GALNT13: variants seen among roughly 807,000 people sequenced by gnomAD.
GALNT13 encodes the protein UDP-GalNAc:polypeptide N-acetylgalactosaminyltransferase 13.
In GALNT13, 28 loss-of-function variants were observed where a neutral mutation model predicts 64.2. The ratio of observed to expected loss-of-function variants is 0.44; its 90% confidence interval spans 0.32 to 0.60. The LOEUF (loss-of-function observed/expected upper bound fraction) is 0.60, where lower values mean the gene tolerates loss of function less well. GALNT13 is among the 20% of genes least tolerant of loss of function. GALNT13 has a pLI of 0.05. For synonymous variants in GALNT13, 214 were observed against 224.6 expected, an observed-to-expected ratio of 0.95 and a Z score of 0.42; for missense variants, 577 against 669.8, an observed-to-expected ratio of 0.86 and a Z score of 1.53.
the GALNT13 span, among the ~76,000 whole-genome samples, chr2:153,637,124 A>G: frequency 2.6e-5 from 4 of 152,156 alleles, no homozygotes; most frequent in African/African-American, 9.6e-5. Context: ...ATTAAATTAT[A>G]ACATCATTTA....
chr2:153,542,889 T>C, the GALNT13 span, among the ~76,000 whole-genome samples: 1 of 152,182 alleles, frequency 6.6e-6, no homozygotes, highest in African/African-American at 2.4e-5. Flanking sequence ...CTATATCTCA[T>C]CAATAAAAGT....
the GALNT13 span, among the ~76,000 whole-genome samples, chr2:153,803,580 T>A: frequency 6.6e-6 from 1 of 151,046 alleles, no homozygotes; most frequent in Non-Finnish European, 1.5e-5. Flanking sequence ...TAGTCCCAGC[T>A]ACTCGGGAGG....
At chr2:153,766,421 A>T in the GALNT13 span, among the ~76,000 whole-genome samples, 31 of 152,200 alleles carry the variant, frequency 2.0e-4, no homozygotes, top group African/African-American at 7.0e-4. Flanking sequence ...ATTTGGGAAA[A>T]TTTTAGCTAT....
At chr2:154,048,642 A>C (rs1476918856) in intron 3 of GALNT13, among the ~76,000 whole-genome samples, 1 of 152,152 alleles carries the variant, frequency 6.6e-6, no homozygotes, top group Non-Finnish European at 1.5e-5. Flanking sequence ...TATAGCCATG[A>C]AAAACATAAT....
chr2:153,089,811 TTC>T, the GALNT13 span, among the ~76,000 whole-genome samples: 1 of 152,134 alleles, frequency 6.6e-6, no homozygotes, highest in East Asian at 1.9e-4. Flanking sequence ...TGATACCTAT[TTC>T]TCTGGAGAAT....
the GALNT13 span, among the ~76,000 whole-genome samples, chr2:153,357,088 G>A: frequency 6.6e-6 from 1 of 152,114 alleles, no homozygotes; most frequent in Non-Finnish European, 1.5e-5. Flanking sequence ...GATTACAGGC[G>A]TGAGCCACCG....
At chr2:153,487,052 G>A in the GALNT13 span, among the ~76,000 whole-genome samples, 2 of 152,306 alleles carry the variant, frequency 1.3e-5, no homozygotes, top group African/African-American at 2.4e-5. Context: ...TAGGACAAGT[G>A]TGTGTTATTT....
At chr2:153,475,615 C>T in the GALNT13 span, among the ~76,000 whole-genome samples, 9 of 152,248 alleles carry the variant, frequency 5.9e-5, no homozygotes, top group Admixed American at 5.2e-4. Context: ...TAAAATTGAC[C>T]TGTAGGTTTG....
intron 3 of GALNT13, among the ~76,000 whole-genome samples, chr2:153,956,066 C>T (rs545763455): frequency 6.6e-6 from 1 of 152,186 alleles, no homozygotes. Context: ...CACCTGCCAG[C>T]CTCAAAACCC....
intron 4 of GALNT13, among the ~76,000 whole-genome samples, chr2:154,209,230 C>A (rs999375164): frequency 1.3e-5 from 2 of 152,036 alleles, no homozygotes; most frequent in African/African-American, 4.8e-5. Context: ...TTCTTAAAAG[C>A]AAATTTAATT....
intron 9 of GALNT13, among the ~76,000 whole-genome samples, chr2:154,303,160 G>C (rs1277191216): frequency 6.6e-6 from 1 of 151,990 alleles, no homozygotes; most frequent in African/African-American, 2.4e-5. Context: ...TTTAGGAGTG[G>C]AGGTTAAATA....
the GALNT13 span, among the ~76,000 whole-genome samples, chr2:153,615,585 G>A: frequency 6.6e-6 from 1 of 151,918 alleles, no homozygotes; most frequent in South Asian, 2.1e-4. Flanking sequence ...CAGAGGTGAG[G>A]CAATATTTCA....
chr2:153,369,347 A>C, the GALNT13 span, among the ~76,000 whole-genome samples: 1 of 152,156 alleles, frequency 6.6e-6, no homozygotes, highest in Non-Finnish European at 1.5e-5. Context: ...AATAAGAGGA[A>C]AAAAATCGAT....
chr2:153,766,392 C>T, the GALNT13 span, among the ~76,000 whole-genome samples: 5 of 152,094 alleles, frequency 3.3e-5, no homozygotes, highest in East Asian at 1.9e-4. Flanking sequence ...TGCACATAGT[C>T]GTTGGCATTG....
chr2:153,277,923 CTTTCTTTTTT>C, the GALNT13 span, among the ~76,000 whole-genome samples: 2 of 78,954 alleles, frequency 2.5e-5, no homozygotes, highest in South Asian at 3.5e-4. Context: ...GTTTTCTTTT[CTTTCTTTTTT>C]TTTTTTTTTT....
the GALNT13 span, among the ~76,000 whole-genome samples, chr2:153,129,694 A>G: frequency 6.6e-6 from 1 of 151,878 alleles, no homozygotes; most frequent in African/African-American, 2.4e-5. Context: ...TGCTTGAACT[A>G]GGGAGGTGGA....
chr2:154,202,338 G>T (rs992813252), intron 4 of GALNT13, among the ~76,000 whole-genome samples: 5 of 152,048 alleles, frequency 3.3e-5, no homozygotes, highest in Non-Finnish European at 1.5e-5. Flanking sequence ...GTTCCCTGAT[G>T]AAGTTCTATT....
chr2:153,508,947 A>G, the GALNT13 span, among the ~76,000 whole-genome samples: 1 of 152,114 alleles, frequency 6.6e-6, no homozygotes, highest in South Asian at 2.1e-4. Context: ...CGTTAGCCCT[A>G]TCACCCTGGA....
chr2:153,649,815 C>G, the GALNT13 span, among the ~76,000 whole-genome samples: 3 of 152,128 alleles, frequency 2.0e-5, no homozygotes, highest in Non-Finnish European at 4.4e-5. Context: ...TTTGATTGCA[C>G]TGTGGTCTGA....
Sources: allele counts gnomAD v4.1 joint callset (sites outside exome capture counted in the v4.1 genomes callset), GRCh38; gene constraint gnomAD v4.1.1; transcripts MANE v1.5; gene names NCBI Gene and HGNC (gene_info 2026-07-23, HGNC 2026-07-21).